The following RASAL2 variants were observed in gnomAD, a reference collection of about 807,000 sequenced individuals.
The protein encoded by RASAL2 is ras GTPase-activating protein nGAP.
Under a neutral mutation model 128.9 loss-of-function variants are expected in RASAL2, and 58 were observed. That is an observed-to-expected ratio of 0.45 (90% CI 0.36 to 0.56). The LOEUF is 0.56. Among genes scored for constraint, RASAL2 ranks in the 20% least tolerant of loss-of-function variants. The pLI is 0.00. For synonymous variants in RASAL2, 561 were observed against 580.8 expected, an observed-to-expected ratio of 0.97 and a Z score of 0.49; for missense variants, 1,360 against 1,601.6, an observed-to-expected ratio of 0.85 and a Z score of 2.57.
chr1:178,243,289 A>G (rs939540917), intron 1 of RASAL2, among the ~76,000 whole-genome samples: 2 of 152,142 alleles, frequency 1.3e-5, no homozygotes, highest in African/African-American at 4.8e-5. Context: ...AAAGCAGGGA[A>G]TGAGCTTCCC....
At chr1:178,422,921 G>T (rs533786905) in intron 5 of RASAL2, among the ~76,000 whole-genome samples, 67 of 152,014 alleles carry the variant, frequency 4.4e-4, no homozygotes, top group Admixed American at 6.6e-4. Flanking sequence ...AAGAGAAAAA[G>T]AACTAAAGAC....
At chr1:178,234,185 T>C (rs1307877800) in intron 1 of RASAL2, among the ~76,000 whole-genome samples, 1 of 152,242 alleles carries the variant, frequency 6.6e-6, no homozygotes, top group East Asian at 1.9e-4. Flanking sequence ...TCTCCACTGA[T>C]CTACTTTTCC....
chr1:178,372,037 T>C (rs1204459718), intron 3 of RASAL2: 9 of 446,626 alleles, frequency 2.0e-5, no homozygotes, highest in African/African-American at 1.7e-4. Flanking sequence ...ACCCTATTTC[T>C]TTCCCCCTCC....
intron 1 of RASAL2, among the ~76,000 whole-genome samples, chr1:178,180,427 C>T (rs1458583828): frequency 1.4e-5 from 2 of 139,612 alleles, no homozygotes; most frequent in Admixed American, 7.9e-5. Flanking sequence ...GTGGATGGAT[C>T]GCTTGAGTCC....
intron 3 of RASAL2, among the ~76,000 whole-genome samples, chr1:178,344,353 C>T (rs1670038303): frequency 6.6e-6 from 1 of 152,104 alleles, no homozygotes; most frequent in Non-Finnish European, 1.5e-5. Context: ...GTTAAATCCC[C>T]AAGAATGAAA....
rs562641270 is a variant in RASAL2, at chr1:178,125,685, C to G, written c.202+30991C>G. Among the ~76,000 whole-genome samples, 4 of 152,244 alleles carry G rather than the reference C, an allele frequency of 2.6e-5. No individual in the cohort carries two copies. In the East Asian group the frequency reaches 7.7e-4, roughly 29 times the overall value. On this transcript the variant is annotated intron_variant, in intron 1 of 17. Transcript: ENST00000367649. ...TCTCACACTTAGTAGCTGGGACTGT[C>G]AAACAGATGCAGAACGAACAGGTGA...
At chr1:178,278,624 C>A (rs1557872993) in intron 1 of RASAL2, among the ~76,000 whole-genome samples, 1 of 151,158 alleles carries the variant, frequency 6.6e-6, no homozygotes, top group Non-Finnish European at 1.5e-5. Context: ...AATAAAATTT[C>A]TCACAGCAAT....
At chr1:178,173,679 G>A (rs1487484104) in intron 1 of RASAL2, among the ~76,000 whole-genome samples, 1 of 151,986 alleles carries the variant, frequency 6.6e-6, no homozygotes, top group African/African-American at 2.4e-5. Context: ...ACTAAGATTC[G>A]AGTAGCCTTA....
chr1:178,120,234 A>G (rs1659666919), intron 1 of RASAL2, among the ~76,000 whole-genome samples: 1 of 152,214 alleles, frequency 6.6e-6, no homozygotes, highest in Non-Finnish European at 1.5e-5. Flanking sequence ...CACCTGTTGC[A>G]ATGAACTCAT....
chr1:178,322,347 C>G (rs1668834736), intron 3 of RASAL2, among the ~76,000 whole-genome samples: 1 of 152,134 alleles, frequency 6.6e-6, no homozygotes, highest in Non-Finnish European at 1.5e-5. Flanking sequence ...TTTGTCCTTT[C>G]TCAGTAGTTG....
intron 1 of RASAL2, among the ~76,000 whole-genome samples, chr1:178,162,730 A>G (rs972386669): frequency 1.3e-5 from 2 of 149,942 alleles, no homozygotes; most frequent in African/African-American, 4.9e-5. Context: ...TAGGATTACA[A>G]GCATAAGCCA....
chr1:178,360,543 C>T (rs1276560460), intron 3 of RASAL2, among the ~76,000 whole-genome samples: 2 of 152,322 alleles, frequency 1.3e-5, no homozygotes, highest in East Asian at 3.9e-4. Flanking sequence ...TTGGTGTCTA[C>T]TTAGCTCATA....
At chr1:178,299,128 T>C (rs922196800) in intron 2 of RASAL2, among the ~76,000 whole-genome samples, 1 of 152,184 alleles carries the variant, frequency 6.6e-6, no homozygotes, top group Admixed American at 6.5e-5. Flanking sequence ...AAAAACACTC[T>C]TACCTTTGGA....
At chr1:178,361,448 TA>T (rs1671102586) in intron 3 of RASAL2, among the ~76,000 whole-genome samples, 1 of 152,214 alleles carries the variant, frequency 6.6e-6, no homozygotes, top group South Asian at 2.1e-4. Flanking sequence ...ATTTCTGTAA[TA>T]ATGTATACAT....
chr1:178,430,907 TAC>T (rs71297897), intron 5 of RASAL2, among the ~76,000 whole-genome samples: 14,056 of 133,430 alleles, frequency 0.11, 729 homozygotes, highest in Non-Finnish European at 0.13. Flanking sequence ...GGCAAAAAAG[TAC>T]ACACACACAC....
At chr1:178,331,265 G>A (rs746112997) in intron 3 of RASAL2, among the ~76,000 whole-genome samples, 1 of 152,144 alleles carries the variant, frequency 6.6e-6, no homozygotes, top group Non-Finnish European at 1.5e-5. Context: ...CAACCTCCTA[G>A]GCTCAAGCAA....
intron 1 of RASAL2, among the ~76,000 whole-genome samples, chr1:178,229,738 C>A (rs189438370): frequency 6.6e-6 from 1 of 152,258 alleles, no homozygotes; most frequent in African/African-American, 2.4e-5. Context: ...TGGTTTCTGA[C>A]TGGCTAATCT....
chr1:178,207,737 C>T (rs1558115376), intron 1 of RASAL2, among the ~76,000 whole-genome samples: 1 of 152,164 alleles, frequency 6.6e-6, no homozygotes, highest in Non-Finnish European at 1.5e-5. Flanking sequence ...CCCCACCCCC[C>T]ACACACATAA....
At chr1:178,308,662 C>T (rs555402773) in intron 3 of RASAL2, among the ~76,000 whole-genome samples, 72 of 151,316 alleles carry the variant, frequency 4.8e-4, no homozygotes, top group African/African-American at 1.7e-3. Flanking sequence ...TCTCCCACCT[C>T]CACCTGCCAA....
Sources: allele counts gnomAD v4.1 joint callset (sites outside exome capture counted in the v4.1 genomes callset), GRCh38; gene constraint gnomAD v4.1.1; transcripts MANE v1.5; gene names NCBI Gene and HGNC (gene_info 2026-07-23, HGNC 2026-07-21).